Variants in RGS5 observed in about 807,000 individuals in gnomAD.
RGS5 encodes the protein regulator of G protein signaling 5, also known as regulator of G-protein signalling 5.
A neutral mutation model predicts 18.9 loss-of-function variants in RGS5; 20 were observed. The ratio of observed to expected loss-of-function variants is 1.06; its 90% confidence interval spans 0.74 to 1.54. The LOEUF (loss-of-function observed/expected upper bound fraction) is 1.54. RGS5 is among the 40% of genes most tolerant of loss of function. The pLI is 0.00. For synonymous variants in RGS5, 57 were observed against 76.2 expected, an observed-to-expected ratio of 0.75 and a Z score of 1.31; for missense variants, 201 against 211.8, an observed-to-expected ratio of 0.95 and a Z score of 0.32.
chr1:163,228,163 CTG>C (rs1320432459), intron 2 of RGS5, among the ~76,000 whole-genome samples: 1 of 152,240 alleles, frequency 6.6e-6, no homozygotes, highest in Non-Finnish European at 1.5e-5. Flanking sequence ...CTGTGGGACT[CTG>C]TGTGGGGTCT....
At chr1:163,315,765 G>A (rs1470457954) in intron 1 of RGS5, among the ~76,000 whole-genome samples, 4 of 152,040 alleles carry the variant, frequency 2.6e-5, no homozygotes, top group Non-Finnish European at 5.9e-5. Context: ...ATGATGAAAG[G>A]GTAATAAAAA....
At chr1:163,193,124 TTTC>T (rs1659424431) in intron 1 of RGS5, among the ~76,000 whole-genome samples, 1 of 152,204 alleles carries the variant, frequency 6.6e-6, no homozygotes, top group Non-Finnish European at 1.5e-5. Flanking sequence ...TCGTGTTGCT[TTTC>T]TTCTTCTGAC....
chr1:163,195,536 A>C (rs780696393), intron 1 of RGS5, among the ~76,000 whole-genome samples: 1 of 152,134 alleles, frequency 6.6e-6, no homozygotes, highest in Non-Finnish European at 1.5e-5. Flanking sequence ...GAACTTATTC[A>C]TGTAACCAAA....
chr1:163,284,043 T>C (rs1232651253), intron 2 of RGS5, among the ~76,000 whole-genome samples: 1 of 152,202 alleles, frequency 6.6e-6, no homozygotes, highest in African/African-American at 2.4e-5. Flanking sequence ...TATGGTCACT[T>C]GTTATGTAGC....
chr1:163,286,066 A>G (rs1239513539), intron 2 of RGS5, among the ~76,000 whole-genome samples: 3 of 151,886 alleles, frequency 2.0e-5, no homozygotes, highest in African/African-American at 4.8e-5. Context: ...TCAGTCCTCC[A>G]TATCCATGTG....
intron 2 of RGS5, among the ~76,000 whole-genome samples, chr1:163,298,222 A>C (rs772169958): frequency 3.0e-4 from 45 of 152,164 alleles, no homozygotes; most frequent in Admixed American, 5.2e-4. Context: ...TAGAGAAGAC[A>C]TATGCATGTA....
chr1:163,307,703 T>C (rs920344728), intron 1 of RGS5, among the ~76,000 whole-genome samples: 1 of 152,046 alleles, frequency 6.6e-6, no homozygotes, highest in Admixed American at 6.6e-5. Context: ...AGTACATGAA[T>C]CAGAAATTCT....
chr1:163,241,510 T>C (rs1173833818), intron 2 of RGS5, among the ~76,000 whole-genome samples: 1 of 152,216 alleles, frequency 6.6e-6, no homozygotes, highest in Non-Finnish European at 1.5e-5. Flanking sequence ...TTCCACCCCA[T>C]GTTTCAGACT....
At position 163,202,146 on chromosome 1, in the gene RGS5, T is replaced by A. The variant is rs184204688; in HGVS notation, c.44+646A>T. Among the ~76,000 whole-genome samples the A allele has an allele frequency of 5.9e-5, 9 of 152,302 alleles. No individual in the cohort carries two copies. In the East Asian group the frequency reaches 1.7e-3, roughly 29 times the overall value. ...CAAGGGCTTTTTCTCTGTCTAGCCA[T>A]CCAGTTACTTCTATCTAATGAGGTC... On this transcript the variant is annotated intron_variant, in intron 1 of 4. Coordinates refer to ENST00000313961, the MANE Select transcript of RGS5 (RefSeq NM_003617.4).
At chr1:163,153,265 T>C (rs889493788) in intron 3 of RGS5, among the ~76,000 whole-genome samples, 9 of 152,166 alleles carry the variant, frequency 5.9e-5, no homozygotes, top group African/African-American at 2.2e-4. Flanking sequence ...AAAATAGACA[T>C]GGTTCCTGTC....
At position 163,147,311 on chromosome 1, in the gene RGS5, C is replaced by A; in HGVS notation, c.*31G>T. ...CAGGGTTATTATGGAGGAAATAACTCACAGGATGATTTCATAGCCTGGCTA... is the reference window on the plus strand; with the variant it reads ...CAGGGTTATTATGGAGGAAATAACTAACAGGATGATTTCATAGCCTGGCTA... On this transcript the variant is annotated 3_prime_UTR_variant, in exon 5 of 5. Transcript: ENST00000313961. 1 of 1,555,646 alleles carries A rather than the reference C, an allele frequency of 6.4e-7. No individual in the cohort carries two copies.
At chr1:163,206,475 T>C (rs1659957434), upstream of RGS5, among the ~76,000 whole-genome samples, 1 of 152,204 alleles carries the variant, frequency 6.6e-6, no homozygotes, top group South Asian at 2.1e-4. Context: ...GTATTCCAGG[T>C]CATTTTTTAA....
intron 2 of RGS5, among the ~76,000 whole-genome samples, chr1:163,262,077 T>C (rs1339902163): frequency 6.6e-6 from 1 of 151,210 alleles, no homozygotes; most frequent in Non-Finnish European, 1.5e-5. Context: ...TCAAATGGGC[T>C]GACATGGTTA....
rs1219884373 is a variant in RGS5, at chr1:163,146,255, T to TC, written c.*1086_*1087insG. 2.1e-5 allele frequency: 3 copies of TC among 145,150 alleles called. No individual in the cohort carries two copies. The highest frequency in any genetic ancestry group is 8.4e-5 in the African/African-American group (3 of 35,660). 9.0% of individuals were successfully genotyped at this position (145,150 alleles called of 1,614,324 possible). ...TAAAAGATTACTTTTTTTTTTTTTT[T>TC]TTGCAAAATGCAGTGTACCTTAAAA... On this transcript the variant is annotated 3_prime_UTR_variant, in exon 5 of 5. Transcript: ENST00000313961.
intron 2 of RGS5, among the ~76,000 whole-genome samples, chr1:163,162,379 G>A (rs149360581): frequency 1.3e-5 from 2 of 152,168 alleles, no homozygotes; most frequent in East Asian, 3.9e-4. Context: ...CACCAATACT[G>A]CATGTTAACC....
At chr1:163,194,118 C>T (rs1199481075) in intron 1 of RGS5, among the ~76,000 whole-genome samples, 1 of 152,054 alleles carries the variant, frequency 6.6e-6, no homozygotes, top group East Asian at 1.9e-4. Context: ...AAACCGAGAC[C>T]ACCCTTTTTC....
chr1:163,247,751 T>C (rs1030397353), intron 2 of RGS5, among the ~76,000 whole-genome samples: 3 of 152,136 alleles, frequency 2.0e-5, no homozygotes, highest in Non-Finnish European at 4.4e-5. Flanking sequence ...TTTTGTTGTA[T>C]CTTTTACAAT....
chr1:163,296,114 T>C (rs1452285029), intron 2 of RGS5, among the ~76,000 whole-genome samples: 2 of 152,208 alleles, frequency 1.3e-5, no homozygotes, highest in African/African-American at 4.8e-5. Flanking sequence ...GCCTTTATGG[T>C]TAATCACTAC....
chr1:163,245,361 A>G (rs1048385566), intron 2 of RGS5, among the ~76,000 whole-genome samples: 1 of 152,240 alleles, frequency 6.6e-6, no homozygotes, highest in South Asian at 2.1e-4. Flanking sequence ...TTTCCCCATG[A>G]CAACTTGTTG....
Sources: gnomAD v4.1 joint callset for allele counts (sites outside exome capture counted in the v4.1 genomes callset) on GRCh38, gnomAD v4.1.1 for gene constraint, MANE v1.5 for transcripts, NCBI Gene and HGNC (gene_info 2026-07-23, HGNC 2026-07-21) for gene names.